FRMD3: variants seen among roughly 807,000 people sequenced by gnomAD.
The protein encoded by FRMD3 is FERM domain containing 3.
A neutral mutation model predicts 70.2 loss-of-function variants in FRMD3; 33 were observed. The observed-to-expected ratio is 0.47, with a 90% confidence interval of 0.36 to 0.63. The LOEUF is 0.63. Among genes scored for constraint, FRMD3 ranks in the 20% least tolerant of loss-of-function variants. The pLI is 0.00. For missense variants in FRMD3, 632 were observed against 711.4 expected, an observed-to-expected ratio of 0.89 and a Z score of 1.27; for synonymous variants, 279 against 255.9, an observed-to-expected ratio of 1.09 and a Z score of -0.86.
intron 1 of FRMD3, among the ~76,000 whole-genome samples, chr9:83,439,587 G>A (rs1827238951): frequency 6.6e-6 from 1 of 152,240 alleles, no homozygotes; most frequent in African/African-American, 2.4e-5. Flanking sequence ...TGAGTGGAGA[G>A]GAAAGACGAA....
intron 1 of FRMD3, among the ~76,000 whole-genome samples, chr9:83,391,063 C>G (rs910320273): frequency 3.9e-5 from 6 of 152,114 alleles, no homozygotes; most frequent in African/African-American, 1.4e-4. Flanking sequence ...TTCCAAAAAG[C>G]CTGGGATGCG....
chr9:83,461,693 TTTTTTTTTTTTTTG>T (rs1827979081), intron 1 of FRMD3, among the ~76,000 whole-genome samples: 1 of 101,424 alleles, frequency 9.9e-6, no homozygotes, highest in African/African-American at 4.2e-5. Flanking sequence ...TTTTTTTTTT[TTTTTTTTTTTTTTG>T]AGATGGAGTC....
At chr9:83,407,748 G>A (rs1171148930) in intron 1 of FRMD3, among the ~76,000 whole-genome samples, 1 of 151,798 alleles carries the variant, frequency 6.6e-6, no homozygotes, top group East Asian at 1.9e-4. Context: ...CTATATTACT[G>A]GAGTCTGATG....
chr9:83,414,979 A>G (rs1042422087), intron 1 of FRMD3, among the ~76,000 whole-genome samples: 10 of 152,218 alleles, frequency 6.6e-5, no homozygotes, highest in Non-Finnish European at 1.5e-4. Context: ...GTGATCAAGA[A>G]CCAGATGAGA....
chr9:83,519,633 C>A (rs917437613), intron 1 of FRMD3, among the ~76,000 whole-genome samples: 2 of 152,096 alleles, frequency 1.3e-5, no homozygotes, highest in African/African-American at 4.8e-5. Flanking sequence ...CCCAGCAATC[C>A]CATTACTGGG....
downstream of FRMD3, among the ~76,000 whole-genome samples, chr9:83,243,972 C>A (rs940771967): frequency 1.3e-5 from 2 of 151,948 alleles, no homozygotes; most frequent in African/African-American, 4.8e-5. Flanking sequence ...ACTGAAAATA[C>A]AAAAAATTAG....
At chr9:83,261,102 G>GACACACACTC (rs1554677853) in intron 13 of FRMD3, among the ~76,000 whole-genome samples, 1 of 133,038 alleles carries the variant, frequency 7.5e-6, no homozygotes, top group Non-Finnish European at 1.6e-5. Context: ...AGGAAACTTA[G>GACACACACTC]ACACACACAC....
chr9:83,263,812 G>C (rs1833101400), intron 13 of FRMD3, among the ~76,000 whole-genome samples: 1 of 152,122 alleles, frequency 6.6e-6, no homozygotes, highest in South Asian at 2.1e-4. Flanking sequence ...ATTCAAAATA[G>C]CCAAATGCAC....
chr9:83,424,301 G>A (rs185492285), intron 1 of FRMD3, among the ~76,000 whole-genome samples: 15 of 152,280 alleles, frequency 9.9e-5, no homozygotes, highest in East Asian at 1.9e-4. Flanking sequence ...AATGTTAGAC[G>A]ATACAGAATC....
intron 10 of FRMD3, among the ~76,000 whole-genome samples, chr9:83,308,807 C>A (rs1835237450): frequency 6.6e-6 from 1 of 152,170 alleles, no homozygotes; most frequent in Non-Finnish European, 1.5e-5. Context: ...AGCCTTCTTA[C>A]TATGAACACA....
intron 1 of FRMD3, among the ~76,000 whole-genome samples, chr9:83,422,126 G>A (rs544329225): frequency 6.6e-6 from 1 of 152,334 alleles, no homozygotes; most frequent in South Asian, 2.1e-4. Context: ...TCGGGAGGCT[G>A]AGGCAGGAGA....
rs1423312145 is a variant in FRMD3 at position 83,335,257 on chromosome 9, A to G, written c.596+259T>C. Among the ~76,000 whole-genome samples the G allele has an allele frequency of 2.0e-5, 3 of 152,364 alleles. No individual in the cohort carries two copies. The East Asian group carries it at 5.8e-4, about 29-fold the overall frequency. Reference sequence around the variant, plus strand: ...AAGCTCAGGGTGTTTAGAAATCCATATGTGTAAGAAAATACATGGATCTAA... The same window carrying G: ...AAGCTCAGGGTGTTTAGAAATCCATGTGTGTAAGAAAATACATGGATCTAA... On this transcript the variant is annotated intron_variant, in intron 6 of 13. Coordinates refer to ENST00000304195, the MANE Select transcript of FRMD3 (RefSeq NM_174938.6).
intron 4 of FRMD3, among the ~76,000 whole-genome samples, chr9:83,346,164 GA>G (rs749957096): frequency 1.8e-4 from 25 of 140,424 alleles, no homozygotes; most frequent in Non-Finnish European, 2.4e-4. Context: ...GTTGAGGCAG[GA>G]AAATTGCTTG....
the FRMD3 span, among the ~76,000 whole-genome samples, chr9:83,553,945 A>G: frequency 1.3e-5 from 2 of 152,216 alleles, no homozygotes; most frequent in Non-Finnish European, 2.9e-5. Context: ...CATTTGAGTT[A>G]CTGGAGTTCT....
At chr9:83,559,073 T>C in the FRMD3 span, among the ~76,000 whole-genome samples, 9 of 152,234 alleles carry the variant, frequency 5.9e-5, no homozygotes, top group Non-Finnish European at 1.2e-4. Context: ...TAGAATGTTA[T>C]ATAAAGTTAG....
At chr9:83,494,992 T>C (rs1828912233) in intron 1 of FRMD3, among the ~76,000 whole-genome samples, 3 of 152,116 alleles carry the variant, frequency 2.0e-5, no homozygotes, top group Admixed American at 2.0e-4. Flanking sequence ...TCTTAGAAAA[T>C]ATATTTCACC....
At chr9:83,385,167 T>C (rs987080666) in intron 2 of FRMD3, among the ~76,000 whole-genome samples, 1 of 138,794 alleles carries the variant, frequency 7.2e-6, no homozygotes, top group Admixed American at 7.6e-5. Context: ...GCAGAAGTGG[T>C]AAAAAGAATA....
chr9:83,334,498 T>C lies in FRMD3; in HGVS notation c.596+1018A>G, dbSNP rs75912410. On this transcript the variant is annotated intron_variant, in intron 6 of 13. Coordinates refer to ENST00000304195, the MANE Select transcript of FRMD3 (RefSeq NM_174938.6). Reference sequence around the variant, plus strand: ...ACCGGGACAGTTGTCTGTTCCAGAATGCATAATCCAATGATGCAATTTTCT... The same window carrying C: ...ACCGGGACAGTTGTCTGTTCCAGAACGCATAATCCAATGATGCAATTTTCT... Among the ~76,000 whole-genome samples, 628 of 152,346 alleles carry C rather than the reference T, an allele frequency of 4.1e-3. 6 individuals carry two copies. The East Asian group carries it at 0.053, about 13-fold the overall frequency.
chr9:83,549,057 T>A, the FRMD3 span, among the ~76,000 whole-genome samples: 1 of 152,084 alleles, frequency 6.6e-6, no homozygotes, highest in Non-Finnish European at 1.5e-5. Flanking sequence ...GCCCAAGTAC[T>A]AAACCCAGTA....
Sources: gnomAD v4.1 joint callset for allele counts (sites outside exome capture counted in the v4.1 genomes callset) on GRCh38, gnomAD v4.1.1 for gene constraint, MANE v1.5 for transcripts, NCBI Gene and HGNC (gene_info 2026-07-23, HGNC 2026-07-21) for gene names.